IGSF10: variants seen among roughly 807,000 people sequenced by gnomAD.
IGSF10 encodes calvaria mechanical force protein 608.
A neutral mutation model predicts 128.2 loss-of-function variants in IGSF10; 126 were observed. The observed-to-expected ratio is 0.98, with a 90% CI of 0.85 to 1.14. The LOEUF is 1.14. Ranked by LOEUF, IGSF10 falls within the 50% of genes most tolerant of loss-of-function variation. The pLI is 0.00. For missense variants in IGSF10, 3,295 were observed against 3,149.8 expected, an observed-to-expected ratio of 1.05 and a Z score of -1.10; for synonymous variants, 1,185 against 1,146.2, an observed-to-expected ratio of 1.03 and a Z score of -0.68.
chr3:151,529,761 G>A, the IGSF10 span, among the ~76,000 whole-genome samples: 4 of 152,048 alleles, frequency 2.6e-5, no homozygotes, highest in South Asian at 4.1e-4. Flanking sequence ...AGAAACCAGC[G>A]CAAAAAGGCT....
the IGSF10 span, among the ~76,000 whole-genome samples, chr3:151,517,184 G>T: frequency 6.6e-6 from 1 of 152,014 alleles, no homozygotes; most frequent in South Asian, 2.1e-4. Context: ...CCAAATAATA[G>T]AATCACTCTA....
At chr3:151,442,146 G>C (rs887591082) in intron 7 of IGSF10, among the ~76,000 whole-genome samples, 1 of 152,082 alleles carries the variant, frequency 6.6e-6, no homozygotes, top group Non-Finnish European at 1.5e-5. Flanking sequence ...AGAATGCGGG[G>C]GCCCTGAATA....
intron 6 of IGSF10, 92 bp downstream of exon 6, chr3:151,444,827 A>T: frequency 6.6e-6 from 8 of 1,220,312 alleles, no homozygotes; most frequent in Non-Finnish European, 9.0e-6. Context: ...TTTGAAACTG[A>T]TACTGATTCT....
At chr3:151,516,676 T>A in the IGSF10 span, among the ~76,000 whole-genome samples, 1 of 151,046 alleles carries the variant, frequency 6.6e-6, no homozygotes. Flanking sequence ...AGCAGAACAT[T>A]GGTCCACTCC....
the IGSF10 span, among the ~76,000 whole-genome samples, chr3:151,511,743 T>TAG: frequency 1.8e-4 from 28 of 151,398 alleles, no homozygotes; most frequent in Middle Eastern, 3.4e-3. Context: ...GAGACACACA[T>TAG]GCTCAAAATA....
chr3:151,508,494 G>C, the IGSF10 span, among the ~76,000 whole-genome samples: 1 of 152,096 alleles, frequency 6.6e-6, no homozygotes, highest in Admixed American at 6.6e-5. Context: ...TGCTGTCTTA[G>C]GTCTTTTGAT....
chr3:151,448,118 G>C lies in IGSF10; in HGVS notation c.1863C>G (p.Asp621Glu). ...GNNVLYQSSR[D>E]KKVLNNGTLR... ...ATGTGCCATTGTTTAGAACTTTCTT[G>C]TCTCTTGATGACTGATAGAGCACAT... The change falls in exon 6 of 8, where the codon GAC (aspartate) becomes GAG (glutamate). Residue 621 changes from aspartate (D) to glutamate (E), a missense_variant. Transcript: ENST00000282466. 6 of 1,614,086 alleles carry C rather than the reference G, an allele frequency of 3.7e-6. No homozygotes were observed. The highest frequency in any genetic ancestry group is 5.1e-6 in the Non-Finnish European group (6 of 1,179,970).
chr3:151,610,795 T>C, the IGSF10 span, among the ~76,000 whole-genome samples: 15 of 152,124 alleles, frequency 9.9e-5, no homozygotes, highest in African/African-American at 3.6e-4. Context: ...ACATGGAGAG[T>C]GAGCATGTGA....
At chr3:151,573,501 T>C in the IGSF10 span, among the ~76,000 whole-genome samples, 1 of 152,218 alleles carries the variant, frequency 6.6e-6, no homozygotes, top group African/African-American at 2.4e-5. Context: ...TTTGTCTCTT[T>C]TGATCTTTGT....
chr3:151,569,810 C>T, the IGSF10 span, among the ~76,000 whole-genome samples: 9 of 152,138 alleles, frequency 5.9e-5, no homozygotes, highest in East Asian at 3.9e-4. Context: ...TGTATACATG[C>T]GCCATGTTGG....
chr3:151,558,262 A>G, the IGSF10 span, among the ~76,000 whole-genome samples: 1 of 151,256 alleles, frequency 6.6e-6, no homozygotes, highest in Non-Finnish European at 1.5e-5. Context: ...AATCATTTCC[A>G]TTTCACTGAG....
the IGSF10 span, among the ~76,000 whole-genome samples, chr3:151,579,745 C>T: frequency 2.6e-5 from 4 of 151,610 alleles, no homozygotes; most frequent in Non-Finnish European, 5.9e-5. Context: ...CTGAGTGTTT[C>T]CCCCAAGTCA....
chr3:151,611,336 T>C, the IGSF10 span, among the ~76,000 whole-genome samples: 1 of 152,202 alleles, frequency 6.6e-6, no homozygotes, highest in Non-Finnish European at 1.5e-5. Flanking sequence ...AAAGTACTAA[T>C]CTATGGCCAT....
chr3:151,446,257 A>G lies in IGSF10; in HGVS notation c.3724T>C (p.Leu1242=). Residue 1242 remains leucine, a synonymous_variant, in exon 6 of 8, where the codon TTA becomes CTA. Transcript: ENST00000282466. Reference sequence around the variant, plus strand: ...AAAGGGGAGACTTTGTCTCTGGGTAAAGCAGGAGATGTTTTAGGAAGCATC... The same window carrying G: ...AAAGGGGAGACTTTGTCTCTGGGTAGAGCAGGAGATGTTTTAGGAAGCATC... ...AVMLPKTSPA[L]PRDKVSPFHF... 1 of 1,613,964 alleles carries G rather than the reference A, an allele frequency of 6.2e-7. No homozygotes were observed. Among genetic ancestry groups the G allele is most frequent in the South Asian group, 1.1e-5 (1 of 91,070 alleles).
At chr3:151,580,952 ATT>A in the IGSF10 span, among the ~76,000 whole-genome samples, 1 of 146,278 alleles carries the variant, frequency 6.8e-6, no homozygotes. Flanking sequence ...ATAAAATCAG[ATT>A]TTTTTTTTTT....
At chr3:151,517,196 A>C in the IGSF10 span, among the ~76,000 whole-genome samples, 9 of 152,184 alleles carry the variant, frequency 5.9e-5, no homozygotes, top group African/African-American at 2.2e-4. Context: ...ATCACTCTAG[A>C]TTACTTACTG....
the IGSF10 span, among the ~76,000 whole-genome samples, chr3:151,613,125 A>G: frequency 0.51 from 78,126 of 151,860 alleles, 20,546 homozygotes; most frequent in East Asian, 0.7. Context: ...TAAGAATCCA[A>G]CTTACAAGGG....
chr3:151,611,835 A>C, the IGSF10 span, among the ~76,000 whole-genome samples: 1 of 152,210 alleles, frequency 6.6e-6, no homozygotes, highest in Non-Finnish European at 1.5e-5. Context: ...AAGATTTATT[A>C]CTTGGAAACT....
the IGSF10 span, among the ~76,000 whole-genome samples, chr3:151,489,950 C>T: frequency 2.6e-5 from 4 of 152,020 alleles, no homozygotes; most frequent in Non-Finnish European, 4.4e-5. Context: ...TGTACATGTA[C>T]CCCAGAACTT....
Sources: gnomAD v4.1 joint callset for allele counts (sites outside exome capture counted in the v4.1 genomes callset) on GRCh38, gnomAD v4.1.1 for gene constraint, MANE v1.5 for transcripts, NCBI Gene and HGNC (gene_info 2026-07-23, HGNC 2026-07-21) for gene names.